The following NRG3 variants were observed in gnomAD, a reference collection of about 807,000 sequenced individuals.
NRG3 encodes the protein pro-neuregulin-3, membrane-bound isoform.
Under a neutral mutation model 66.9 loss-of-function variants are expected in NRG3, and 31 were observed. The ratio of observed to expected loss-of-function variants is 0.46; its 90% CI spans 0.35 to 0.63. The LOEUF (loss-of-function observed/expected upper bound fraction) is 0.63, where lower values mean the gene tolerates loss of function less well. NRG3 is among the 20% of genes least tolerant of loss of function. The pLI is 0.00. For missense variants in NRG3, 910 were observed against 878.9 expected (o/e 1.04, Z -0.45); for synonymous variants, 393 against 359.4 (o/e 1.09, Z -1.06).
intron 2 of NRG3, among the ~76,000 whole-genome samples, chr10:82,405,203 G>A (rs1026698618): frequency 1.3e-5 from 2 of 152,108 alleles, no homozygotes; most frequent in Admixed American, 1.3e-4. Context: ...TTAGATATGT[G>A]AAGGTGATGT....
intron 2 of NRG3, among the ~76,000 whole-genome samples, chr10:82,603,714 T>G (rs990454929): frequency 3.3e-5 from 5 of 151,876 alleles, no homozygotes; most frequent in African/African-American, 9.7e-5. Context: ...ATAATATATT[T>G]ACTTGTTATT....
intron 1 of NRG3, among the ~76,000 whole-genome samples, chr10:82,264,378 A>T (rs763259286): frequency 2.0e-5 from 3 of 152,142 alleles, no homozygotes; most frequent in African/African-American, 7.2e-5. Flanking sequence ...ACTAGTGATC[A>T]TGAGAACAGC....
intron 5 of NRG3, among the ~76,000 whole-genome samples, chr10:82,953,093 C>T (rs1849692726): frequency 6.6e-6 from 1 of 151,764 alleles, no homozygotes. Context: ...TTGTTAATGC[C>T]AGGGCCCCAT....
chr10:82,821,496 C>G lies in NRG3; in HGVS notation c.1028-43915C>G, dbSNP rs548918776. Among the ~76,000 whole-genome samples, 146 of 130,136 alleles carry G rather than the reference C, an allele frequency of 1.1e-3. 1 individual carries two copies. In the East Asian group the frequency reaches 0.025, roughly 22 times the overall value. 85.4% of individuals were successfully genotyped at this position (130,136 alleles called of 152,430 possible). A position where few individuals can be genotyped will look rare whatever the true frequency, so the allele number is the denominator to read the frequency against. On this transcript the variant is annotated intron_variant, in intron 3 of 8. Coordinates refer to ENST00000372141, the MANE Select transcript of NRG3 (RefSeq NM_001010848.4). ...CTGGTTGAGTGAAGTTTTGCCCACA[C>G]TTAACTGAAAAAAAAAAAAAAAAGA...
intron 2 of NRG3, among the ~76,000 whole-genome samples, chr10:82,731,721 G>A (rs2057917202): frequency 6.6e-6 from 1 of 152,146 alleles, no homozygotes; most frequent in Non-Finnish European, 1.5e-5. Flanking sequence ...TGTGAATAGT[G>A]TTGATATAAG....
intron 1 of NRG3, among the ~76,000 whole-genome samples, chr10:82,023,983 G>A (rs2224115): frequency 0.14 from 21,040 of 151,940 alleles, 1,839 homozygotes; most frequent in East Asian, 0.28. Context: ...CAGGTCTTGG[G>A]CTTTTCTTTG....
chr10:82,359,722 T>G (rs1294169402), intron 2 of NRG3, among the ~76,000 whole-genome samples: 1 of 152,106 alleles, frequency 6.6e-6, no homozygotes, highest in Non-Finnish European at 1.5e-5. Flanking sequence ...ACCCCTTTTC[T>G]TCTCTTTATT....
chr10:82,042,039 C>T (rs1319314490), intron 1 of NRG3, among the ~76,000 whole-genome samples: 2 of 151,966 alleles, frequency 1.3e-5, no homozygotes, highest in African/African-American at 4.8e-5. Context: ...GTACAGTTTA[C>T]TTTTAGGTAG....
intron 1 of NRG3, among the ~76,000 whole-genome samples, chr10:82,156,141 GACAT>G (rs2071166628): frequency 6.6e-6 from 1 of 151,460 alleles, no homozygotes; most frequent in Non-Finnish European, 1.5e-5. Flanking sequence ...TATTAAATTG[GACAT>G]ACATCATATT....
At chr10:81,975,216 A>T (rs886446620) in intron 1 of NRG3, among the ~76,000 whole-genome samples, 1 of 152,186 alleles carries the variant, frequency 6.6e-6, no homozygotes, top group Non-Finnish European at 1.5e-5. Flanking sequence ...AGAGACAAAT[A>T]AAAAATGTGA....
intron 3 of NRG3, among the ~76,000 whole-genome samples, chr10:82,831,918 A>C (rs1286888470): frequency 1.3e-5 from 2 of 152,028 alleles, no homozygotes; most frequent in Non-Finnish European, 2.9e-5. Context: ...CCAACTACCT[A>C]CCTCCCTGGG....
At chr10:82,458,419 TC>T (rs1426936872) in intron 2 of NRG3, among the ~76,000 whole-genome samples, 3 of 152,266 alleles carry the variant, frequency 2.0e-5, no homozygotes, top group African/African-American at 7.2e-5. Flanking sequence ...ATGAACTCCA[TC>T]CTGAGGAACT....
At chr10:82,353,583 C>T (rs867068040) in intron 1 of NRG3, among the ~76,000 whole-genome samples, 11 of 152,120 alleles carry the variant, frequency 7.2e-5, no homozygotes, top group African/African-American at 1.4e-4. Flanking sequence ...GGATAGAGAC[C>T]GAAACGTATA....
chr10:82,873,061 A>G (rs549665536), intron 4 of NRG3, among the ~76,000 whole-genome samples: 10 of 152,232 alleles, frequency 6.6e-5, no homozygotes, highest in African/African-American at 1.4e-4. Context: ...GCCATGCCAA[A>G]CCTAATGTCT....
At chr10:81,929,287 C>G (rs1314071333) in intron 1 of NRG3, among the ~76,000 whole-genome samples, 1 of 152,154 alleles carries the variant, frequency 6.6e-6, no homozygotes, top group Non-Finnish European at 1.5e-5. Flanking sequence ...TTTCTAAAAT[C>G]CCTGCAATAC....
intron 1 of NRG3, among the ~76,000 whole-genome samples, chr10:82,326,979 T>A (rs2081904900): frequency 6.6e-6 from 1 of 152,180 alleles, no homozygotes; most frequent in Non-Finnish European, 1.5e-5. Context: ...AGCATCTTAA[T>A]TAGTAAAGGC....
chr10:82,212,390 A>T lies in NRG3; in HGVS notation c.824-146349A>T, dbSNP rs1294238156. ...ATAAAAGTCAGTTTCTCTCATCATG[A>T]TTCCACACACTTTAATTTCAACTAC... On this transcript the variant is annotated intron_variant, in intron 1 of 8. Transcript: ENST00000372141. Among the ~76,000 whole-genome samples, 3 of 152,202 alleles carry T rather than the reference A, an allele frequency of 2.0e-5. No individual in the cohort carries two copies. The East Asian group carries it at 5.8e-4, about 29-fold the overall frequency.
chr10:82,242,722 G>A (rs1446459201), intron 1 of NRG3, among the ~76,000 whole-genome samples: 6 of 152,082 alleles, frequency 3.9e-5, no homozygotes, highest in Non-Finnish European at 5.9e-5. Context: ...GGGTGTGAGA[G>A]AGAGTAAGAA....
At chr10:82,532,275 C>T (rs895076046) in intron 2 of NRG3, among the ~76,000 whole-genome samples, 12 of 151,400 alleles carry the variant, frequency 7.9e-5, no homozygotes, top group African/African-American at 2.9e-4. Context: ...TTTTAGACAC[C>T]TCATATAAGT....
Sources: gnomAD v4.1 joint callset for allele counts (sites outside exome capture counted in the v4.1 genomes callset) on GRCh38, gnomAD v4.1.1 for gene constraint, MANE v1.5 for transcripts, NCBI Gene and HGNC (gene_info 2026-07-23, HGNC 2026-07-21) for gene names.